The following BANK1 variants were observed in gnomAD, a reference collection of about 807,000 sequenced individuals.
BANK1 encodes B cell scaffold protein with ankyrin repeats 1.
BANK1 carries 95 observed loss-of-function variants against 94.5 expected under a neutral mutation model. The observed-to-expected ratio is 1.00, with a 90% CI of 0.85 to 1.19. The LOEUF (loss-of-function observed/expected upper bound fraction) is 1.19. Ranked by LOEUF, BANK1 falls within the 50% of genes most tolerant of loss-of-function variation. BANK1 has a pLI of 0.00. For missense variants in BANK1, 987 were observed against 932.2 expected (o/e 1.06, Z -0.77); for synonymous variants, 334 against 308.4 (o/e 1.08, Z -0.87).
At chr4:101,864,170 G>A (rs141298374) in intron 4 of BANK1, among the ~76,000 whole-genome samples, 6 of 152,146 alleles carry the variant, frequency 3.9e-5, no homozygotes, top group African/African-American at 7.2e-5. Context: ...TTAAGTATTC[G>A]TTTCAACTGT....
At chr4:102,073,278 ATAGACTCAT>A in intron 15 of BANK1, among the ~76,000 whole-genome samples, 1 of 150,908 alleles carries the variant, frequency 6.6e-6, no homozygotes, top group South Asian at 2.1e-4. Context: ...GATATATATT[ATAGACTCAT>A]TAGACTCATT....
intron 7 of BANK1, among the ~76,000 whole-genome samples, chr4:101,922,644 G>A (rs1292642888): frequency 6.6e-6 from 1 of 151,748 alleles, no homozygotes; most frequent in African/African-American, 2.4e-5. Context: ...TTAAAGTTTA[G>A]TTTCGGAGAC....
intron 7 of BANK1, among the ~76,000 whole-genome samples, chr4:101,959,293 C>T (rs1182496517): frequency 1.3e-5 from 2 of 152,064 alleles, no homozygotes; most frequent in African/African-American, 4.8e-5. Context: ...GTGCCTGCCA[C>T]CACGCCCGGC....
At chr4:102,010,189 C>T (rs7663421) in intron 7 of BANK1, among the ~76,000 whole-genome samples, 118,151 of 151,314 alleles carry the variant, frequency 0.78, 47,016 homozygotes, top group Middle Eastern at 0.89. Context: ...GGCGTGAACC[C>T]GGGAGGCAGA....
intron 10 of BANK1, among the ~76,000 whole-genome samples, chr4:102,041,203 T>C (rs190367018): frequency 6.6e-6 from 1 of 152,186 alleles, no homozygotes; most frequent in African/African-American, 2.4e-5. Context: ...ATAAAGTACA[T>C]AAAGTCTTTT....
chr4:102,039,465 T>G (rs1169167816), intron 10 of BANK1, among the ~76,000 whole-genome samples: 1 of 152,124 alleles, frequency 6.6e-6, no homozygotes, highest in African/African-American at 2.4e-5. Context: ...TTATTTACAC[T>G]GTGGTTGCTT....
intron 7 of BANK1, among the ~76,000 whole-genome samples, chr4:102,011,513 G>A (rs369575695): frequency 1.1e-4 from 16 of 152,248 alleles, no homozygotes; most frequent in African/African-American, 3.9e-4. Context: ...CACCCTTCGC[G>A]CCTTGGGTAG....
chr4:101,987,832 TGATG>T (rs1473169459), intron 7 of BANK1, among the ~76,000 whole-genome samples: 1 of 152,206 alleles, frequency 6.6e-6, no homozygotes, highest in Non-Finnish European at 1.5e-5. Flanking sequence ...TCCTGTATCC[TGATG>T]TTGGTATGGA....
chr4:101,941,034 T>A (rs934685973), intron 7 of BANK1, among the ~76,000 whole-genome samples: 5 of 151,820 alleles, frequency 3.3e-5, no homozygotes, highest in African/African-American at 1.2e-4. Flanking sequence ...CCCCTTTACT[T>A]ATTTTATGCA....
intron 1 of BANK1, among the ~76,000 whole-genome samples, chr4:101,806,092 C>A (rs1253854057): frequency 6.6e-6 from 1 of 151,470 alleles, no homozygotes; most frequent in Non-Finnish European, 1.5e-5. Context: ...TTTTATTTTT[C>A]TTTTTCTAAA....
At position 101,917,994 on chromosome 4, in the gene BANK1, T is replaced by A. The variant is rs1363776672; in HGVS notation, c.1011T>A (p.Tyr337Ter). Residue 337 changes from tyrosine to a stop codon, truncating the protein, a stop_gained and splice_region_variant, in exon 7 of 17, where the codon TAT (tyrosine) becomes TAA (stop). Coordinates refer to ENST00000322953, the MANE Select transcript of BANK1 (RefSeq NM_017935.5). LOFTEE classifies it high-confidence loss of function. ...LQTEICSQNK[Y>*]THFKELPTLL... is the part of the protein sequence containing the mutation. The stretch of plus-strand genomic sequence containing the variant: ...TCCTACTACTTCTTATGCTTACAGA[T>A]ACTCATTTCAAAGAACTTCCAACTC... The A allele has an allele frequency of 1.2e-6, 2 of 1,601,118 alleles. No homozygotes were observed. The highest frequency in any genetic ancestry group is 8.5e-7 in the Non-Finnish European group (1 of 1,170,430).
rs188676886 is a variant in BANK1, at chr4:101,914,892, A to G, written c.1010-3101A>G. Among the ~76,000 whole-genome samples the G allele has an allele frequency of 5.9e-3, 899 of 152,240 alleles. 10 individuals carry two copies. Among genetic ancestry groups the G allele is most frequent in the Non-Finnish European group, 7.1e-3 (483 of 68,008 alleles). ...ACCAAAATAAACCACAAAAACTGTG[A>G]CAGTTGTGGCACCAAATGGACTGCA... On this transcript the variant is annotated intron_variant, in intron 6 of 16. Coordinates refer to ENST00000322953, the MANE Select transcript of BANK1 (RefSeq NM_017935.5).
chr4:101,855,248 T>TGG, intron 3 of BANK1, 59 bp downstream of exon 3: 3 of 1,501,462 alleles, frequency 2.0e-6, no homozygotes, highest in Admixed American at 1.8e-5. Context: ...GTGGTGGTGG[T>TGG]TGTTGTTGTT....
At chr4:101,840,293 A>T (rs1726997466) in intron 2 of BANK1, among the ~76,000 whole-genome samples, 1 of 152,122 alleles carries the variant, frequency 6.6e-6, no homozygotes, top group South Asian at 2.1e-4. Flanking sequence ...TAGTGTGTTT[A>T]ATCTCAATAA....
chr4:101,954,999 A>C (rs1369147257), intron 7 of BANK1, among the ~76,000 whole-genome samples: 3 of 152,166 alleles, frequency 2.0e-5, no homozygotes, highest in Non-Finnish European at 2.9e-5. Context: ...ATTAATGAAA[A>C]GAAAAAAACC....
At chr4:101,798,854 G>A (rs1373088577) in intron 1 of BANK1, among the ~76,000 whole-genome samples, 4 of 152,176 alleles carry the variant, frequency 2.6e-5, no homozygotes, top group Non-Finnish European at 4.4e-5. Flanking sequence ...GTAGATTCTG[G>A]ATATTAGCCC....
intron 13 of BANK1, among the ~76,000 whole-genome samples, chr4:102,070,981 C>G (rs1305301105): frequency 6.6e-6 from 1 of 152,128 alleles, no homozygotes; most frequent in Non-Finnish European, 1.5e-5. Flanking sequence ...GTAGCTCAAG[C>G]TAGCGGAATA....
At chr4:102,073,071 GAAC>G (rs1728809446) in intron 15 of BANK1, among the ~76,000 whole-genome samples, 1 of 151,838 alleles carries the variant, frequency 6.6e-6, no homozygotes, top group Non-Finnish European at 1.5e-5. Flanking sequence ...TTCTTATAAT[GAAC>G]GAATTTTAAT....
chr4:101,855,542 A>G (rs1727649606), intron 3 of BANK1, among the ~76,000 whole-genome samples: 1 of 152,196 alleles, frequency 6.6e-6, no homozygotes, highest in Admixed American at 6.5e-5. Flanking sequence ...TTTGTTACAT[A>G]ATTGTTGAAA....
Sources: gnomAD v4.1 joint callset for allele counts (sites outside exome capture counted in the v4.1 genomes callset) on GRCh38, gnomAD v4.1.1 for gene constraint, MANE v1.5 for transcripts, NCBI Gene and HGNC (gene_info 2026-07-23, HGNC 2026-07-21) for gene names.